RIC1: variants seen among roughly 807,000 people sequenced by gnomAD.
RIC1 encodes RIC1 partner of RAB6A GEF complex, also known as guanine nucleotide exchange factor subunit RIC1.
RIC1 carries 88 observed loss-of-function variants against 169.0 expected under a neutral mutation model. That is an observed-to-expected ratio of 0.52 (90% CI 0.44 to 0.62). RIC1 has a LOEUF of 0.62. Ranked by LOEUF, RIC1 falls within the 20% of genes least tolerant of loss-of-function variation. RIC1 has a pLI of 0.00. For missense variants in RIC1, 1,877 were observed against 1,725.5 expected, an observed-to-expected ratio of 1.09 and a Z score of -1.56; for synonymous variants, 790 against 601.5, an observed-to-expected ratio of 1.31 and a Z score of -4.59.
Position 5,747,415 on chromosome 9 carries a change from C to T in RIC1, c.1362C>T (p.Pro454=). ...CTTCAACACACTCTGAGCATAAGCC[C>T]AGTCGAGAAAAGAGCCCATTTGCAG... ...RSSSTHSEHK[P]SREKSPFADG... The change falls in exon 12 of 26, where the codon CCC becomes CCT. Residue 454 remains proline (P), a synonymous_variant. Coordinates refer to ENST00000414202, the MANE Select transcript of RIC1 (RefSeq NM_020829.4). 4 of 1,614,068 alleles carry T rather than the reference C, an allele frequency of 2.5e-6. No homozygotes were observed. Among genetic ancestry groups the T allele is most frequent in the Non-Finnish European group, 3.4e-6 (4 of 1,179,954 alleles).
intron 3 of RIC1, among the ~76,000 whole-genome samples, chr9:5,698,521 C>A (rs989674532): frequency 1.1e-4 from 16 of 152,160 alleles, no homozygotes; most frequent in African/African-American, 3.9e-4. Context: ...ATGGAAAATA[C>A]ATTAATAAAA....
At chr9:5,738,587 A>G (rs375786254) in intron 8 of RIC1, 49 bp downstream of exon 8, 14 of 1,080,782 alleles carry the variant, frequency 1.3e-5, no homozygotes, top group African/African-American at 3.9e-5. Context: ...ATGTACTGGT[A>G]TTGCCATTTG....
chr9:5,680,372 G>C (rs1030546367), intron 2 of RIC1, among the ~76,000 whole-genome samples: 4 of 152,168 alleles, frequency 2.6e-5, no homozygotes, highest in Non-Finnish European at 5.9e-5. Flanking sequence ...AGTTAGGGAG[G>C]ATTCCCTCTT....
chr9:5,657,242 C>G (rs1308833127), intron 2 of RIC1, among the ~76,000 whole-genome samples: 1 of 152,068 alleles, frequency 6.6e-6, no homozygotes, highest in Non-Finnish European at 1.5e-5. Flanking sequence ...ATTTCCATAT[C>G]CATTTGGATC....
rs1826005158 is a variant in RIC1, at chr9:5,756,233, T to G, written c.1714T>G (p.Ser572Ala). ...TCAGCTTAGAGTATACTTGCGAACA[T>G]CAAATCTGGACAATGCCTTTGCTCA... Reference protein sequence around the residue: ...QEELRVYLRTSNLDNAFAHVT... With the variant: ...QEELRVYLRTANLDNAFAHVT... Residue 572 changes from serine to alanine, a missense_variant, in exon 16 of 26, where the codon TCA (serine) becomes GCA (alanine). By Grantham distance (99) the Ser-to-Ala change is moderately conservative (BLOSUM62 1). This residue lies in a region of RIC1 where 1,104 missense variants were observed against 992.0 expected (regional missense o/e 1.11). Coordinates refer to ENST00000414202, the MANE Select transcript of RIC1 (RefSeq NM_020829.4). The G allele has an allele frequency of 6.3e-7, 1 of 1,578,138 alleles. No individual in the cohort carries two copies. The highest frequency in any genetic ancestry group is 1.2e-5 in the South Asian group (1 of 84,648).
At chr9:5,730,262 A>G (rs1235239086) in intron 6 of RIC1, among the ~76,000 whole-genome samples, 3 of 152,178 alleles carry the variant, frequency 2.0e-5, no homozygotes, top group Non-Finnish European at 4.4e-5. Context: ...AGCTGGAGAA[A>G]AAATATATTT....
At chr9:5,640,610 G>A (rs903752332) in intron 1 of RIC1, among the ~76,000 whole-genome samples, 4 of 152,186 alleles carry the variant, frequency 2.6e-5, no homozygotes, top group Non-Finnish European at 4.4e-5. Context: ...GAATAAGAGT[G>A]TAATTGTGCT....
intron 1 of RIC1, among the ~76,000 whole-genome samples, chr9:5,651,421 T>C (rs771634780): frequency 6.6e-6 from 1 of 152,264 alleles, no homozygotes; most frequent in South Asian, 2.1e-4. Flanking sequence ...GCCCCTCCTC[T>C]ATTTTTGCTG....
intron 14 of RIC1, 152 bp downstream of exon 14, chr9:5,753,798 G>A (rs1825852092): frequency 2.2e-6 from 1 of 461,040 alleles, no homozygotes; most frequent in South Asian, 5.2e-5. Context: ...TAATATGTAA[G>A]ATTTGATTCT....
At chr9:5,751,139 G>A (rs187070703) in intron 12 of RIC1, among the ~76,000 whole-genome samples, 4 of 151,682 alleles carry the variant, frequency 2.6e-5, no homozygotes, top group East Asian at 1.9e-4. Flanking sequence ...CCACCCACAC[G>A]TTTCATAAGT....
In RIC1 at chr9:5,773,002, C is replaced by T. The variant is rs764275887; in HGVS notation, c.3905C>T (p.Ser1302Phe). The T allele has an allele frequency of 3.1e-6, 5 of 1,613,674 alleles. No homozygotes were observed. The highest frequency in any genetic ancestry group is 2.5e-6 in the Non-Finnish European group (3 of 1,179,730). ...AATCAGATTTTGGTTATTACACAGT[C>T]TTCAGAGGTAGATGGAGAGATGTTA... The part of the protein sequence containing the change: ...IINQILVITQ[S>F]SEVDGEMLQN... The change falls in exon 25 of 26, where the codon TCT (serine) becomes TTT (phenylalanine). Residue 1302 changes from serine (S) to phenylalanine (F), a missense_variant. Around this residue, in one of 3 missense-constraint regions of RIC1, gnomAD observed 681 missense variants for 582.0 expected, o/e 1.17. Transcript: ENST00000414202.
intron 6 of RIC1, among the ~76,000 whole-genome samples, chr9:5,728,237 G>A (rs1425129349): frequency 6.6e-6 from 1 of 152,228 alleles, no homozygotes; most frequent in African/African-American, 2.4e-5. Context: ...TCAAGCCTTA[G>A]CAATGGTAGA....
chr9:5,660,386 G>A (rs1819383767), intron 2 of RIC1, among the ~76,000 whole-genome samples: 2 of 152,150 alleles, frequency 1.3e-5, no homozygotes, highest in African/African-American at 4.8e-5. Context: ...AGATTATTGG[G>A]TCAAACGGTA....
intron 17 of RIC1, 115 bp downstream of exon 17, chr9:5,757,566 A>C: frequency 9.2e-7 from 1 of 1,081,174 alleles, no homozygotes; most frequent in Middle Eastern, 2.6e-4. Context: ...AATGTACCTT[A>C]TATGAGAATG....
intron 14 of RIC1, 78 bp downstream of exon 14, chr9:5,753,724 C>T (rs1329750319): frequency 1.0e-5 from 6 of 602,202 alleles, no homozygotes; most frequent in Middle Eastern, 3.3e-4. Flanking sequence ...TAAAGTTTAT[C>T]ACTAAGTAAT....
intron 2 of RIC1, among the ~76,000 whole-genome samples, chr9:5,674,085 G>C (rs1352430519): frequency 2.0e-5 from 3 of 152,226 alleles, no homozygotes; most frequent in Non-Finnish European, 4.4e-5. Context: ...TTCAGCAGAA[G>C]TCTAATATGC....
chr9:5,769,366 G>A, intron 22 of RIC1, 110 bp downstream of exon 22: 2 of 1,609,094 alleles, frequency 1.2e-6, no homozygotes, highest in Non-Finnish European at 1.7e-6. Flanking sequence ...TCCAAACTTA[G>A]GAATGGATAA....
intron 17 of RIC1, 122 bp downstream of exon 17, chr9:5,757,573 AATG>A: frequency 9.9e-7 from 1 of 1,009,698 alleles, no homozygotes; most frequent in Non-Finnish European, 1.4e-6. Context: ...CTTATATGAG[AATG>A]CTGGGTTGCA....
At chr9:5,661,797 C>T (rs1819467607) in intron 2 of RIC1, among the ~76,000 whole-genome samples, 1 of 152,186 alleles carries the variant, frequency 6.6e-6, no homozygotes, top group Admixed American at 6.5e-5. Flanking sequence ...TTAATTTTCT[C>T]TCTTCCTATT....
Sources: allele counts gnomAD v4.1 joint callset (sites outside exome capture counted in the v4.1 genomes callset), GRCh38; gene constraint gnomAD v4.1.1; regional missense constraint gnomAD v4.1.1; transcripts MANE v1.5; gene names NCBI Gene and HGNC (gene_info 2026-07-23, HGNC 2026-07-21).